Variants in SGIP1 observed in about 807,000 individuals in gnomAD.
SGIP1 encodes SH3GL interacting endocytic adaptor 1.
A neutral mutation model predicts 107.5 loss-of-function variants in SGIP1; 38 were observed. The observed-to-expected ratio is 0.35, with a 90% CI of 0.27 to 0.46. The LOEUF is 0.46. Ranked by LOEUF, SGIP1 falls within the 20% of genes least tolerant of loss-of-function variation. The pLI is 1.00. For synonymous variants in SGIP1, 365 were observed against 366.1 expected (o/e 1.00, Z 0.03); for missense variants, 929 against 1,019.5 (o/e 0.91, Z 1.21).
intron 2 of SGIP1, among the ~76,000 whole-genome samples, chr1:66,630,714 G>A (rs531133973): frequency 6.7e-6 from 1 of 149,498 alleles, no homozygotes; most frequent in South Asian, 2.1e-4. Flanking sequence ...GCTGAGCCAG[G>A]AGAATCACTT....
intron 10 of SGIP1, 75 bp downstream of exon 10, chr1:66,671,094 G>GTACA (rs1288572714): frequency 1.4e-6 from 1 of 718,122 alleles, no homozygotes; most frequent in Non-Finnish European, 2.2e-6. Context: ...TGGAGTATAT[G>GTACA]TACATATGAA....
At chr1:66,534,109 G>A (rs1321873195), upstream of SGIP1, 2 of 581,048 alleles carry the variant, frequency 3.4e-6, no homozygotes, top group Non-Finnish European at 6.1e-6. Context: ...CAGCGCAGGC[G>A]GTGCAGCTCG....
intron 1 of SGIP1, among the ~76,000 whole-genome samples, chr1:66,545,586 T>C (rs1354368947): frequency 6.6e-6 from 1 of 150,762 alleles, no homozygotes; most frequent in Non-Finnish European, 1.5e-5. Context: ...GAAAGTGCAC[T>C]TGTAGCACTT....
At chr1:66,573,988 G>T (rs1035210317) in intron 1 of SGIP1, among the ~76,000 whole-genome samples, 2 of 152,078 alleles carry the variant, frequency 1.3e-5, no homozygotes, top group African/African-American at 4.8e-5. Flanking sequence ...AGTATTTTTA[G>T]GGTAATGCTT....
At position 66,748,181 on chromosome 1, in the gene SGIP1, C is replaced by A. The variant is rs2094577962; in HGVS notation, c.*5086C>A. Reference sequence around the variant, plus strand: ...AAACAGTATCTAAATGCCATTCTCTCACTTATGAATTAAATATGGCTACCA... The same window carrying A: ...AAACAGTATCTAAATGCCATTCTCTAACTTATGAATTAAATATGGCTACCA... On this transcript the variant is annotated 3_prime_UTR_variant, in exon 25 of 25. Coordinates refer to ENST00000371037, the MANE Select transcript of SGIP1 (RefSeq NM_032291.4). 1.3e-5 allele frequency: 2 copies of A among 151,892 alleles called. No homozygotes were observed. Among genetic ancestry groups the A allele is most frequent in the African/African-American group, 2.4e-5 (1 of 41,412 alleles). The allele number at this position is 151,892 out of a possible 1,614,324, so 9.4% of individuals were successfully genotyped here. A position where few individuals can be genotyped will look rare whatever the true frequency, so the allele number is the denominator to read the frequency against.
At position 66,679,703 on chromosome 1, in the gene SGIP1, T is replaced by C; in HGVS notation, c.765T>C (p.Asn255=). 6.2e-7 allele frequency: 1 copy of C among 1,606,954 alleles called. No homozygotes were observed. Among genetic ancestry groups the C allele is most frequent in the Non-Finnish European group, 8.5e-7 (1 of 1,178,238 alleles). ...CACCTCCACCACTGCCTCCAAAAAA[T>C]GTACCAGCTACCCCACCCCGAACAG... ...TGTPPPLPPK[N]VPATPPRTGS... Residue 255 remains asparagine (N), a synonymous_variant, in exon 14 of 25, where the codon AAT becomes AAC. Coordinates refer to ENST00000371037, the MANE Select transcript of SGIP1 (RefSeq NM_032291.4).
rs778429202 is a variant in SGIP1, at chr1:66,635,932, A to G, written c.100-12A>G. The G allele has an allele frequency of 1.2e-6, 2 of 1,613,546 alleles. No homozygotes were observed. The highest frequency in any genetic ancestry group is 2.2e-5 in the East Asian group (1 of 44,844). On this transcript the variant is annotated splice_polypyrimidine_tract_variant and intron_variant, in intron 3 of 24. Transcript: ENST00000371037. ...TAACCACTTTTTTCTACATGAAAAC[A>G]ATCAATTCCAGCAGCCCAGCCCACA...
chr1:66,739,624 G>T, intron 22 of SGIP1, 87 bp downstream of exon 22: 1 of 1,374,712 alleles, frequency 7.3e-7, no homozygotes, highest in East Asian at 2.3e-5. Context: ...CCTGTAGGAG[G>T]AGATGACAGC....
At chr1:66,675,545 T>TTTC (rs1427069077) in intron 12 of SGIP1, among the ~76,000 whole-genome samples, 1 of 114,174 alleles carries the variant, frequency 8.8e-6, no homozygotes, top group Non-Finnish European at 1.8e-5. Flanking sequence ...TTCTTTCTTT[T>TTTC]TTTTTTTTTT....
At position 66,609,750 on chromosome 1, in the gene SGIP1, G is replaced by C. The variant is rs532416429; in HGVS notation, c.11-16097G>C. ...AGAGGAGAAATATCTGGGCCAACCT[G>C]ACTAGGATGCTAGCAAACTTTTGAA... On this transcript the variant is annotated intron_variant, in intron 1 of 24. Coordinates refer to ENST00000371037, the MANE Select transcript of SGIP1 (RefSeq NM_032291.4). Among the ~76,000 whole-genome samples, 16 of 152,318 alleles carry C rather than the reference G, an allele frequency of 1.1e-4. No individual in the cohort carries two copies. In the South Asian group the frequency reaches 3.3e-3, roughly 32 times the overall value.
At chr1:66,710,743 A>G (rs1310926031) in intron 18 of SGIP1, among the ~76,000 whole-genome samples, 2 of 152,192 alleles carry the variant, frequency 1.3e-5, no homozygotes, top group Non-Finnish European at 2.9e-5. Flanking sequence ...GATTCCATGA[A>G]GTCAGTGAAA....
chr1:66,651,848 G>C (rs17129258), intron 7 of SGIP1, among the ~76,000 whole-genome samples: 4,897 of 152,220 alleles, frequency 0.032, 267 homozygotes, highest in African/African-American at 0.11. Context: ...TAAATGTTAA[G>C]GAATGATGTC....
chr1:66,749,233 C>T lies in SGIP1; in HGVS notation c.*6138C>T, dbSNP rs527978003. On this transcript the variant is annotated 3_prime_UTR_variant, in exon 25 of 25. Transcript: ENST00000371037. Reference sequence around the variant, plus strand: ...GTTGAAGATGTTTCCAATTCTTTGCCGTGTGGAATTAATGCCAGTGAATAA... The same window carrying T: ...GTTGAAGATGTTTCCAATTCTTTGCTGTGTGGAATTAATGCCAGTGAATAA... Among the ~76,000 whole-genome samples the T allele has an allele frequency of 1.4e-4, 21 of 152,044 alleles. No individual in the cohort carries two copies. Among genetic ancestry groups the T allele is most frequent in the African/African-American group, 4.3e-4 (18 of 41,514 alleles).
intron 19 of SGIP1, among the ~76,000 whole-genome samples, chr1:66,728,512 A>G (rs1427926558): frequency 6.6e-6 from 1 of 152,214 alleles, no homozygotes; most frequent in African/African-American, 2.4e-5. Flanking sequence ...TGAGAGTGTA[A>G]ATTAATTCAA....
chr1:66,663,968 GT>G (rs1461382305), intron 8 of SGIP1, among the ~76,000 whole-genome samples: 1 of 152,054 alleles, frequency 6.6e-6, no homozygotes, highest in African/African-American at 2.4e-5. Context: ...TATATGTAAG[GT>G]TTTGCCTCTG....
chr1:66,624,290 G>T (rs757793192), intron 1 of SGIP1, among the ~76,000 whole-genome samples: 6 of 151,978 alleles, frequency 3.9e-5, no homozygotes, highest in African/African-American at 7.3e-5. Context: ...TCCTTATAAG[G>T]GAATAAGACA....
intron 7 of SGIP1, among the ~76,000 whole-genome samples, chr1:66,644,346 TA>T (rs200625504): frequency 0.15 from 22,092 of 146,086 alleles, 1,647 homozygotes; most frequent in African/African-American, 0.19. Flanking sequence ...AGATTTGGGG[TA>T]AAAAAAAAAA....
At chr1:66,625,187 C>A (rs2072342469) in intron 1 of SGIP1, among the ~76,000 whole-genome samples, 1 of 152,062 alleles carries the variant, frequency 6.6e-6, no homozygotes, top group African/African-American at 2.4e-5. Flanking sequence ...AGAAGCCCTG[C>A]AGAAGGAGAG....
At chr1:66,718,554 T>C (rs909657116) in intron 18 of SGIP1, among the ~76,000 whole-genome samples, 1 of 152,140 alleles carries the variant, frequency 6.6e-6, no homozygotes, top group South Asian at 2.1e-4. Flanking sequence ...GGAATAATCA[T>C]ACCTATCCCA....
Sources: gnomAD v4.1 joint callset for allele counts (sites outside exome capture counted in the v4.1 genomes callset) on GRCh38, gnomAD v4.1.1 for gene constraint, MANE v1.5 for transcripts, NCBI Gene and HGNC (gene_info 2026-07-23, HGNC 2026-07-21) for gene names.